Variants in PLCG2 observed in about 807,000 individuals in gnomAD.
PLCG2 encodes the protein 1-phosphatidylinositol 4,5-bisphosphate phosphodiesterase gamma-2.
A neutral mutation model predicts 175.6 loss-of-function variants in PLCG2; 69 were observed. The ratio of observed to expected loss-of-function variants is 0.39; its 90% CI spans 0.32 to 0.48. The LOEUF (loss-of-function observed/expected upper bound fraction) is 0.48. Among genes scored for constraint, PLCG2 ranks in the 20% least tolerant of loss-of-function variants. The pLI is 0.91. For missense variants in PLCG2, 1,798 were observed against 1,650.9 expected, an observed-to-expected ratio of 1.09 and a Z score of -1.54; for synonymous variants, 827 against 624.0, an observed-to-expected ratio of 1.33 and a Z score of -4.85.
At chr16:81,786,320 T>C in intron 2 of PLCG2, 138 bp downstream of exon 2, 1 of 735,908 alleles carries the variant, frequency 1.4e-6, no homozygotes. Context: ...AATGAAAGCA[T>C]TGCCAGTTTG....
At chr16:81,791,373 G>T (rs564295961) in intron 2 of PLCG2, among the ~76,000 whole-genome samples, 5 of 152,176 alleles carry the variant, frequency 3.3e-5, no homozygotes, top group African/African-American at 4.8e-5. Flanking sequence ...TGGGATTAAT[G>T]GGTGTCATGT....
chr16:81,811,651 A>G (rs1485532399), intron 2 of PLCG2, among the ~76,000 whole-genome samples: 1 of 152,100 alleles, frequency 6.6e-6, no homozygotes, highest in Non-Finnish European at 1.5e-5. Context: ...TAGTTTGCTG[A>G]GAATGATGGT....
chr16:81,849,390 C>A (rs8050292), intron 2 of PLCG2, among the ~76,000 whole-genome samples: 92,993 of 151,926 alleles, frequency 0.61, 28,668 homozygotes, highest in Middle Eastern at 0.69. Context: ...ACAATGTTAC[C>A]TTGTCTAAAA....
intron 2 of PLCG2, among the ~76,000 whole-genome samples, chr16:81,827,526 A>G (rs1905093310): frequency 6.6e-6 from 1 of 152,084 alleles, no homozygotes; most frequent in African/African-American, 2.4e-5. Flanking sequence ...CCTCTGTTTC[A>G]GATGAGGGAT....
rs145019156 is a variant in PLCG2, at chr16:81,868,331, G to T, written c.480-883G>T. Among the ~76,000 whole-genome samples the T allele has an allele frequency of 6.2e-3, 938 of 152,226 alleles. 6 individuals are homozygous for T. Among genetic ancestry groups the T allele is most frequent in the Non-Finnish European group, 0.01 (709 of 68,014 alleles). On this transcript the variant is annotated intron_variant, in intron 5 of 32. Transcript: ENST00000564138. Reference sequence around the variant, plus strand: ...CCCCTCCCTGGCCCTTAGTGACCTTGCCTTGCTCTGAACCCCAGTGGCATT... The same window carrying T: ...CCCCTCCCTGGCCCTTAGTGACCTTTCCTTGCTCTGAACCCCAGTGGCATT...
intron 1 of PLCG2, among the ~76,000 whole-genome samples, chr16:81,751,023 C>G (rs949926218): frequency 8.0e-6 from 1 of 125,044 alleles, no homozygotes; most frequent in Non-Finnish European, 1.6e-5. Context: ...TCTTGTTGTC[C>G]AGACTGGAGT....
At chr16:81,956,912 G>A (rs114446251) in intron 32 of PLCG2, 33 bp downstream of exon 32, 2 of 1,589,314 alleles carry the variant, frequency 1.3e-6, no homozygotes, top group African/African-American at 1.3e-5. Context: ...AAAAACTTTT[G>A]GGGGGTCTCT....
chr16:81,945,966 C>T (rs1383140706), intron 30 of PLCG2, among the ~76,000 whole-genome samples: 1 of 152,056 alleles, frequency 6.6e-6, no homozygotes, highest in East Asian at 1.9e-4. Context: ...ACCTTGCTTC[C>T]CTGTATGGAC....
intron 1 of PLCG2, among the ~76,000 whole-genome samples, chr16:81,748,158 C>T (rs909475499): frequency 1.3e-5 from 2 of 152,048 alleles, no homozygotes; most frequent in South Asian, 2.1e-4. Flanking sequence ...TGCAAGCCTG[C>T]GCCACCGCAC....
At chr16:81,784,340 C>G (rs1424040845) in intron 1 of PLCG2, among the ~76,000 whole-genome samples, 2 of 152,236 alleles carry the variant, frequency 1.3e-5, no homozygotes, top group Non-Finnish European at 2.9e-5. Context: ...ATGCTGCAGG[C>G]TGTGCATACA....
At chr16:81,876,974 T>C (rs1907822483) in intron 7 of PLCG2, among the ~76,000 whole-genome samples, 1 of 152,230 alleles carries the variant, frequency 6.6e-6, no homozygotes, top group African/African-American at 2.4e-5. Context: ...TTCTGGCCCT[T>C]GGACTTGTTA....
At chr16:81,828,378 C>T (rs1238845058) in intron 2 of PLCG2, among the ~76,000 whole-genome samples, 1 of 150,450 alleles carries the variant, frequency 6.6e-6, no homozygotes, top group African/African-American at 2.4e-5. Context: ...CCTGGGACTA[C>T]AGGTGCCTGC....
intron 1 of PLCG2, among the ~76,000 whole-genome samples, chr16:81,748,823 G>A (rs1909752434): frequency 6.6e-6 from 1 of 152,178 alleles, no homozygotes; most frequent in African/African-American, 2.4e-5. Context: ...CTGTGAACCA[G>A]TTAGGTTTTA....
chr16:81,813,823 T>C (rs1904423747), intron 2 of PLCG2, among the ~76,000 whole-genome samples: 1 of 152,224 alleles, frequency 6.6e-6, no homozygotes, highest in Non-Finnish European at 1.5e-5. Context: ...TCATAGTAGC[T>C]AGTCTTCTCT....
chr16:81,865,917 T>G (rs1907208349), intron 5 of PLCG2, among the ~76,000 whole-genome samples: 1 of 126,154 alleles, frequency 7.9e-6, no homozygotes, highest in African/African-American at 3.1e-5. Context: ...TGAGCTCCAC[T>G]GGGGCACCAG....
intron 7 of PLCG2, among the ~76,000 whole-genome samples, chr16:81,876,682 C>T (rs575084034): frequency 2.6e-5 from 4 of 152,326 alleles, no homozygotes; most frequent in African/African-American, 9.6e-5. Flanking sequence ...GTTAACAATA[C>T]AGCTGTTTCT....
At chr16:81,819,658 C>G (rs1022591130) in intron 2 of PLCG2, among the ~76,000 whole-genome samples, 8 of 152,188 alleles carry the variant, frequency 5.3e-5, no homozygotes, top group African/African-American at 1.9e-4. Context: ...TATCTCGGCT[C>G]ACTGCAACCT....
At chr16:81,917,628 G>C (rs897029299) in intron 19 of PLCG2, among the ~76,000 whole-genome samples, 6 of 152,196 alleles carry the variant, frequency 3.9e-5, no homozygotes, top group African/African-American at 1.4e-4. Flanking sequence ...GCATTTATCT[G>C]ATGATTAGTG....
chr16:81,880,571 A>G (rs949164570), intron 7 of PLCG2, among the ~76,000 whole-genome samples: 1 of 81,902 alleles, frequency 1.2e-5, no homozygotes, highest in Non-Finnish European at 2.8e-5. Flanking sequence ...AGCTTGAAAC[A>G]CAGCAAAAAA....
Sources: gnomAD v4.1 joint callset for allele counts (sites outside exome capture counted in the v4.1 genomes callset) on GRCh38, gnomAD v4.1.1 for gene constraint, MANE v1.5 for transcripts, NCBI Gene and HGNC (gene_info 2026-07-23, HGNC 2026-07-21) for gene names.